Variants in DPYD observed in about 807,000 individuals in gnomAD.
DPYD encodes dihydropyrimidine dehydrogenase, also known as dihydropyrimidine dehydrogenase [NADP(+)].
Under a neutral mutation model 116.2 loss-of-function variants are expected in DPYD, and 109 were observed. That is an observed-to-expected ratio of 0.94 (90% CI 0.80 to 1.10). The LOEUF (loss-of-function observed/expected upper bound fraction) is 1.10. Ranked by LOEUF, DPYD falls within the 50% of genes least tolerant of loss-of-function variation. DPYD has a pLI of 0.00. For synonymous variants in DPYD, 440 were observed against 432.0 expected (o/e 1.02, Z -0.23); for missense variants, 1,302 against 1,254.5 (o/e 1.04, Z -0.57).
chr1:97,664,265 T>A (rs1659430237), intron 8 of DPYD, among the ~76,000 whole-genome samples: 1 of 151,976 alleles, frequency 6.6e-6, no homozygotes, highest in African/African-American at 2.4e-5. Flanking sequence ...AATATTAGAT[T>A]TTTCAAATAG....
chr1:97,195,356 G>A (rs1658674664), intron 19 of DPYD, among the ~76,000 whole-genome samples: 2 of 151,442 alleles, frequency 1.3e-5, no homozygotes, highest in Admixed American at 1.3e-4. Flanking sequence ...AGAATAATAA[G>A]ATTCTATTTC....
intron 2 of DPYD, among the ~76,000 whole-genome samples, chr1:97,831,198 A>G (rs777143630): frequency 5.9e-5 from 9 of 152,238 alleles, no homozygotes; most frequent in Non-Finnish European, 1.2e-4. Flanking sequence ...CATGATTTGA[A>G]TTATATTTCA....
chr1:97,765,783 C>A (rs1041260954), intron 3 of DPYD, among the ~76,000 whole-genome samples: 1 of 152,186 alleles, frequency 6.6e-6, no homozygotes, highest in Non-Finnish European at 1.5e-5. Flanking sequence ...TAATATGTAA[C>A]ACAAACCTAA....
intron 16 of DPYD, among the ~76,000 whole-genome samples, chr1:97,333,891 G>A (rs1558037320): frequency 6.6e-6 from 1 of 152,042 alleles, no homozygotes. Context: ...TAAATTTGAT[G>A]GTGACTCAGA....
intron 2 of DPYD, chr1:97,854,889 G>T (rs906649905): frequency 6.6e-6 from 1 of 152,408 alleles, no homozygotes; most frequent in East Asian, 1.9e-4. Context: ...CACTGGCCAA[G>T]CCTAGGAGAT....
intron 8 of DPYD, among the ~76,000 whole-genome samples, chr1:97,647,944 T>A (rs1285312669): frequency 6.6e-6 from 1 of 152,028 alleles, no homozygotes; most frequent in Non-Finnish European, 1.5e-5. Context: ...CCTTTCTCTC[T>A]CATCCATCTT....
intron 14 of DPYD, among the ~76,000 whole-genome samples, chr1:97,443,415 C>T (rs1281871964): frequency 2.0e-5 from 3 of 152,120 alleles, no homozygotes; most frequent in African/African-American, 7.2e-5. Flanking sequence ...CACAAAAAAA[C>T]TGAACGGTTT....
chr1:97,213,818 C>A (rs940991452), intron 19 of DPYD, among the ~76,000 whole-genome samples: 11 of 152,234 alleles, frequency 7.2e-5, no homozygotes, highest in African/African-American at 2.4e-4. Flanking sequence ...CTTCACTTGA[C>A]TACGTGGGTG....
At chr1:97,215,440 A>G (rs959478516) in intron 19 of DPYD, among the ~76,000 whole-genome samples, 2 of 152,166 alleles carry the variant, frequency 1.3e-5, no homozygotes, top group Non-Finnish European at 2.9e-5. Context: ...CATATTATTT[A>G]TGATTACAAT....
At chr1:97,676,707 G>A (rs896243555) in intron 8 of DPYD, among the ~76,000 whole-genome samples, 14 of 152,038 alleles carry the variant, frequency 9.2e-5, no homozygotes, top group African/African-American at 2.9e-4. Flanking sequence ...CCAAGTAACC[G>A]CCAGTTATAT....
At chr1:97,716,969 A>G (rs1293759249) in intron 5 of DPYD, among the ~76,000 whole-genome samples, 1 of 152,014 alleles carries the variant, frequency 6.6e-6, no homozygotes, top group Non-Finnish European at 1.5e-5. Flanking sequence ...TTAGTGTCAA[A>G]TGTGTATGGT....
intron 16 of DPYD, among the ~76,000 whole-genome samples, chr1:97,337,052 A>G (rs1669329653): frequency 6.6e-6 from 1 of 152,186 alleles, no homozygotes; most frequent in African/African-American, 2.4e-5. Flanking sequence ...AAGAGTTTGG[A>G]GAGTGGAAGC....
intron 3 of DPYD, among the ~76,000 whole-genome samples, chr1:97,786,515 A>G (rs1018254423): frequency 1.3e-5 from 2 of 152,218 alleles, no homozygotes; most frequent in African/African-American, 4.8e-5. Flanking sequence ...CTTATTTTAT[A>G]CCAAAGGACC....
intron 9 of DPYD, 33 bp downstream of exon 9, chr1:97,595,026 T>A (rs745656900): frequency 6.9e-7 from 1 of 1,450,076 alleles, no homozygotes; most frequent in Non-Finnish European, 9.6e-7. Flanking sequence ...AATAGCATAC[T>A]CACTATTAAG....
At chr1:97,408,416 G>A (rs1336112495) in intron 14 of DPYD, among the ~76,000 whole-genome samples, 1 of 152,130 alleles carries the variant, frequency 6.6e-6, no homozygotes, top group African/African-American at 2.4e-5. Context: ...TTTATCATGT[G>A]ATGTAAGATT....
intron 14 of DPYD, among the ~76,000 whole-genome samples, chr1:97,427,182 T>A (rs967243504): frequency 1.3e-5 from 2 of 152,140 alleles, no homozygotes; most frequent in Non-Finnish European, 2.9e-5. Context: ...TATCTTTTAT[T>A]GTTTGTTTTT....
chr1:97,674,644 T>A (rs1051534606), intron 8 of DPYD, among the ~76,000 whole-genome samples: 1 of 151,678 alleles, frequency 6.6e-6, no homozygotes, highest in African/African-American at 2.4e-5. Context: ...AGAATAAAAT[T>A]ACCCACAGAA....
chr1:97,305,518 T>A, intron 17 of DPYD, 140 bp from the exon 18 acceptor site: 2 of 1,128,990 alleles, frequency 1.8e-6, no homozygotes, highest in Non-Finnish European at 2.6e-6. Context: ...TTCACTAATT[T>A]AACTCCTACA....
intron 13 of DPYD, among the ~76,000 whole-genome samples, chr1:97,487,292 A>C (rs1387945350): frequency 1.3e-5 from 2 of 152,196 alleles, no homozygotes; most frequent in African/African-American, 4.8e-5. Flanking sequence ...ATGGAGAAAG[A>C]GGAATTTTAC....
Sources: allele counts gnomAD v4.1 joint callset (sites outside exome capture counted in the v4.1 genomes callset), GRCh38; gene constraint gnomAD v4.1.1; transcripts MANE v1.5; gene names NCBI Gene and HGNC (gene_info 2026-07-23, HGNC 2026-07-21).